Variants in ANKRD30B observed in about 807,000 individuals in gnomAD.
ANKRD30B encodes the protein ankyrin repeat domain 30B, also known as ankyrin repeat domain-containing protein 30B.
In ANKRD30B, 144 loss-of-function variants were observed where a neutral mutation model predicts 202.2. The observed-to-expected ratio is 0.71, with a 90% CI of 0.62 to 0.82. The LOEUF is 0.82. Among genes scored for constraint, ANKRD30B ranks in the 40% least tolerant of loss-of-function variants. ANKRD30B has a pLI of 0.00. For synonymous variants in ANKRD30B, 508 were observed against 561.3 expected, an observed-to-expected ratio of 0.91 and a Z score of 1.34; for missense variants, 1,487 against 1,669.1, an observed-to-expected ratio of 0.89 and a Z score of 1.90.
chr18:14,917,722 C>T, the ANKRD30B span, among the ~76,000 whole-genome samples: 11 of 152,234 alleles, frequency 7.2e-5, no homozygotes, highest in African/African-American at 2.4e-4. Flanking sequence ...GGGATGAGAC[C>T]TGGCACAGCA....
the ANKRD30B span, among the ~76,000 whole-genome samples, chr18:14,875,893 T>A: frequency 6.6e-6 from 1 of 152,146 alleles, no homozygotes; most frequent in Admixed American, 6.5e-5. Flanking sequence ...GCGCTAAGAA[T>A]TCTTGCTTCC....
intron 32 of ANKRD30B, among the ~76,000 whole-genome samples, chr18:14,825,736 C>T (rs1417422365): frequency 1.3e-5 from 2 of 151,908 alleles, no homozygotes; most frequent in Non-Finnish European, 2.9e-5. Flanking sequence ...TGAAAGCCAT[C>T]AGTTAAGAGG....
chr18:14,795,445 C>T (rs1174272384), intron 16 of ANKRD30B, among the ~76,000 whole-genome samples: 2 of 152,198 alleles, frequency 1.3e-5, no homozygotes, highest in African/African-American at 2.4e-5. Context: ...GATCCGCCCT[C>T]TTCAGGCGTC....
At chr18:14,901,979 G>T in the ANKRD30B span, among the ~76,000 whole-genome samples, 9 of 152,160 alleles carry the variant, frequency 5.9e-5, no homozygotes, top group Non-Finnish European at 1.2e-4. Flanking sequence ...TGGACTTACA[G>T]TTCCACATGG....
the ANKRD30B span, among the ~76,000 whole-genome samples, chr18:14,868,964 G>T: frequency 6.6e-6 from 1 of 152,236 alleles, no homozygotes; most frequent in Non-Finnish European, 1.5e-5. Flanking sequence ...AGGTTTCCTG[G>T]CTAGTTTGCG....
At chr18:14,794,647 G>A (rs1968751403) in intron 16 of ANKRD30B, among the ~76,000 whole-genome samples, 1 of 152,146 alleles carries the variant, frequency 6.6e-6, no homozygotes, top group African/African-American at 2.4e-5. Context: ...ATTAAAGCGG[G>A]TTTTTATTTA....
At chr18:14,865,803 A>G in the ANKRD30B span, among the ~76,000 whole-genome samples, 1 of 152,160 alleles carries the variant, frequency 6.6e-6, no homozygotes, top group Non-Finnish European at 1.5e-5. Context: ...GAGGCCAGCC[A>G]TGGTGCCACA....
At chr18:14,849,902 A>T (rs189577842) in intron 40 of ANKRD30B, among the ~76,000 whole-genome samples, 1,899 of 151,738 alleles carry the variant, frequency 0.013, 24 homozygotes, top group Non-Finnish European at 0.021. Flanking sequence ...ACTGTGTGAT[A>T]TTTTTAAAAA....
intron 39 of ANKRD30B, among the ~76,000 whole-genome samples, chr18:14,848,132 A>G (rs963869872): frequency 7.9e-5 from 12 of 152,114 alleles, no homozygotes; most frequent in African/African-American, 2.9e-4. Flanking sequence ...AAGCTGAAAC[A>G]TTCATAAGGT....
the ANKRD30B span, among the ~76,000 whole-genome samples, chr18:14,867,984 C>A: frequency 1.3e-5 from 2 of 152,194 alleles, no homozygotes; most frequent in East Asian, 1.9e-4. Context: ...GAGGTTGGAG[C>A]CTGAATATGG....
chr18:14,807,707 T>A (rs570671941), intron 24 of ANKRD30B, among the ~76,000 whole-genome samples: 6 of 149,932 alleles, frequency 4.0e-5, no homozygotes, highest in African/African-American at 1.5e-4. Flanking sequence ...GATTTTTGTA[T>A]TTTTTGTGGA....
At chr18:14,789,358 G>A (rs1968310432) in intron 15 of ANKRD30B, among the ~76,000 whole-genome samples, 1 of 152,050 alleles carries the variant, frequency 6.6e-6, no homozygotes, top group Non-Finnish European at 1.5e-5. Flanking sequence ...CACTCTGATG[G>A]TAGTTTCTTT....
intron 15 of ANKRD30B, among the ~76,000 whole-genome samples, chr18:14,788,467 G>A (rs1165844982): frequency 3.3e-5 from 5 of 152,018 alleles, no homozygotes; most frequent in Admixed American, 1.3e-4. Context: ...ATATGTATAT[G>A]TGAGCCATGC....
chr18:14,853,295 G>C (rs963159247), intron 42 of ANKRD30B, among the ~76,000 whole-genome samples: 5 of 152,118 alleles, frequency 3.3e-5, no homozygotes, highest in Admixed American at 3.3e-4. Flanking sequence ...TTCATGTATA[G>C]TACAAAAGAA....
rs1280214598 is a variant in ANKRD30B, at chr18:14,839,432, T to G, written c.2989-1156T>G. On this transcript the variant is annotated intron_variant, in intron 36 of 43. Transcript: ENST00000690538. ...GAGGGCAGTGGACCATATTTGTTCA[T>G]CATTTTGTTCTTAACAACCTCGAAT... 2.6e-5 allele frequency among the ~76,000 whole-genome samples: 4 copies of G among 152,138 alleles called. No homozygotes were observed. In the East Asian group the frequency reaches 7.7e-4, roughly 29 times the overall value.
intron 9 of ANKRD30B, among the ~76,000 whole-genome samples, chr18:14,773,178 GT>G (rs1448406304): frequency 6.6e-6 from 1 of 152,140 alleles, no homozygotes; most frequent in East Asian, 1.9e-4. Flanking sequence ...TTAAATTGCA[GT>G]TTTTAAATAT....
At chr18:14,759,094 T>C (rs1477209260) in intron 5 of ANKRD30B, 1 of 152,224 alleles carries the variant, frequency 6.6e-6, no homozygotes, top group Non-Finnish European at 1.5e-5. Context: ...AGGCATTCAA[T>C]AGACTTCACT....
chr18:14,896,934 A>T, the ANKRD30B span, among the ~76,000 whole-genome samples: 1 of 151,486 alleles, frequency 6.6e-6, no homozygotes, highest in Non-Finnish European at 1.5e-5. Flanking sequence ...AAAAAATAAA[A>T]TGAGTGCTAC....
chr18:14,774,850 A>G (rs1045308995), intron 9 of ANKRD30B, among the ~76,000 whole-genome samples: 1 of 151,390 alleles, frequency 6.6e-6, no homozygotes, highest in Non-Finnish European at 1.5e-5. Flanking sequence ...TCTAAGGGCC[A>G]GGTGTGGTGG....
Sources: gnomAD v4.1 joint callset for allele counts (sites outside exome capture counted in the v4.1 genomes callset) on GRCh38, gnomAD v4.1.1 for gene constraint, MANE v1.5 for transcripts, NCBI Gene and HGNC (gene_info 2026-07-23, HGNC 2026-07-21) for gene names.